Variants in RHBDL2 observed in about 807,000 individuals in gnomAD.
RHBDL2 encodes the protein rhomboid-related protein 2.
RHBDL2 carries 26 observed loss-of-function variants against 31.7 expected under a neutral mutation model. The ratio of observed to expected loss-of-function variants is 0.82; its 90% CI spans 0.60 to 1.14. RHBDL2 has a LOEUF of 1.14. Among genes scored for constraint, RHBDL2 ranks in the 50% most tolerant of loss-of-function variants. The pLI, the probability that RHBDL2 is intolerant of heterozygous loss-of-function variation, is 0.00. For missense variants in RHBDL2, 336 were observed against 364.4 expected, an observed-to-expected ratio of 0.92 and a Z score of 0.63; for synonymous variants, 123 against 127.2, an observed-to-expected ratio of 0.97 and a Z score of 0.22.
chr1:38,907,897 C>G (rs895127270), intron 4 of RHBDL2, among the ~76,000 whole-genome samples: 10 of 152,046 alleles, frequency 6.6e-5, no homozygotes, highest in Non-Finnish European at 1.5e-4. Context: ...TAGACTTCAT[C>G]AAAATTTAAA....
chr1:38,929,608 G>A (rs1013791012), intron 1 of RHBDL2: 76 of 1,266,874 alleles, frequency 6.0e-5, no homozygotes, highest in East Asian at 2.8e-4. Flanking sequence ...GCTGAGACCC[G>A]CCTTGATGTG....
At chr1:38,922,755 C>CA (rs1643330528) in intron 1 of RHBDL2, among the ~76,000 whole-genome samples, 1 of 151,210 alleles carries the variant, frequency 6.6e-6, no homozygotes, top group East Asian at 1.9e-4. Context: ...CTGCCCCACT[C>CA]CTGAATTTCT....
intron 6 of RHBDL2, 109 bp downstream of exon 6, chr1:38,893,055 T>G: frequency 3.1e-6 from 2 of 636,610 alleles, no homozygotes; most frequent in Non-Finnish European, 5.7e-6. Context: ...CAGGTCTGTG[T>G]GTATGCCCCA....
intron 3 of RHBDL2, among the ~76,000 whole-genome samples, chr1:38,912,402 G>A (rs151191901): frequency 6.7e-6 from 1 of 149,234 alleles, no homozygotes; most frequent in Non-Finnish European, 1.5e-5. Flanking sequence ...ACCGCGCCTG[G>A]CCCGTTTTTT....
chr1:38,916,940 GA>G (rs1414189768), intron 2 of RHBDL2, among the ~76,000 whole-genome samples: 2 of 144,838 alleles, frequency 1.4e-5, no homozygotes. Flanking sequence ...TGAAAAAAAA[GA>G]AAAAAATACA....
At chr1:38,890,599 A>G (rs1316910773) in intron 6 of RHBDL2, among the ~76,000 whole-genome samples, 1 of 152,078 alleles carries the variant, frequency 6.6e-6, no homozygotes, top group African/African-American at 2.4e-5. Context: ...CAGCCTCTAA[A>G]CTGAGATGTG....
intron 4 of RHBDL2, among the ~76,000 whole-genome samples, chr1:38,897,493 G>T (rs1286469499): frequency 6.6e-6 from 1 of 152,100 alleles, no homozygotes; most frequent in Admixed American, 6.6e-5. Flanking sequence ...ATTGCTTGAG[G>T]CCAGAAAGTC....
intron 4 of RHBDL2, among the ~76,000 whole-genome samples, chr1:38,907,496 C>T (rs1031086187): frequency 2.0e-5 from 3 of 152,080 alleles, no homozygotes; most frequent in East Asian, 1.9e-4. Context: ...GCCGAGATCG[C>T]GCCATCGCAC....
chr1:38,898,616 A>G (rs1374354886), intron 4 of RHBDL2, among the ~76,000 whole-genome samples: 2 of 152,188 alleles, frequency 1.3e-5, no homozygotes, highest in Non-Finnish European at 2.9e-5. Flanking sequence ...CCCAGGTACT[A>G]CCTTGAGGGA....
At chr1:38,886,810 C>T (rs1642790708) in intron 7 of RHBDL2, 127 bp from the exon 8 acceptor site, 1 of 669,784 alleles carries the variant, frequency 1.5e-6, no homozygotes, top group South Asian at 4.2e-5. Context: ...GTCTAGAGAA[C>T]TAGGGGTAAG....
chr1:38,918,351 G>A (rs144611220), intron 2 of RHBDL2, among the ~76,000 whole-genome samples: 2 of 152,234 alleles, frequency 1.3e-5, no homozygotes, highest in African/African-American at 4.8e-5. Flanking sequence ...GACATCAAGT[G>A]TGGGGGAAAA....
At chr1:38,908,258 A>C (rs1397574613) in intron 4 of RHBDL2, among the ~76,000 whole-genome samples, 1 of 151,992 alleles carries the variant, frequency 6.6e-6, no homozygotes, top group Non-Finnish European at 1.5e-5. Context: ...CATGCCTGTA[A>C]TCCCAGCACT....
intron 4 of RHBDL2, among the ~76,000 whole-genome samples, chr1:38,911,040 A>G (rs1643134405): frequency 6.6e-6 from 1 of 151,946 alleles, no homozygotes; most frequent in Non-Finnish European, 1.5e-5. Context: ...CAGCCTCCCA[A>G]AGTGCTGGGA....
At chr1:38,906,605 T>C (rs903573829) in intron 4 of RHBDL2, among the ~76,000 whole-genome samples, 2 of 149,722 alleles carry the variant, frequency 1.3e-5, no homozygotes, top group African/African-American at 2.5e-5. Context: ...ACCTGGGAGG[T>C]GGAGCTTGCA....
At chr1:38,906,421 T>G (rs1464529945) in intron 4 of RHBDL2, among the ~76,000 whole-genome samples, 11 of 152,050 alleles carry the variant, frequency 7.2e-5, no homozygotes. Context: ...ATCCCTGTAA[T>G]CCCAGCACTT....
chr1:38,920,003 G>C (rs1312524211), intron 1 of RHBDL2, among the ~76,000 whole-genome samples: 1 of 152,082 alleles, frequency 6.6e-6, no homozygotes, highest in Non-Finnish European at 1.5e-5. Flanking sequence ...CTGTTAAGCA[G>C]TTAATTCCTA....
At position 38,915,291 on chromosome 1, in the gene RHBDL2, A is replaced by AT. The variant is rs565355497; in HGVS notation, c.395+270dup. ...AGGTATGCATCACCATGCCTGTCTA[A>AT]TTTTTTTATTTTTAGTAGAGATGGG... On this transcript the variant is annotated intron_variant, in intron 3 of 7. Coordinates refer to ENST00000372990, the MANE Select transcript of RHBDL2 (RefSeq NM_017821.5). Among the ~76,000 whole-genome samples, 384 of 151,502 alleles carry AT rather than the reference A, an allele frequency of 2.5e-3. 2 individuals are homozygous for AT. Among genetic ancestry groups the AT allele is most frequent in the African/African-American group, 8.8e-3 (362 of 41,342 alleles).
chr1:38,928,485 T>G (rs1379243955), intron 1 of RHBDL2, among the ~76,000 whole-genome samples: 1 of 147,134 alleles, frequency 6.8e-6, no homozygotes, highest in Non-Finnish European at 1.5e-5. Flanking sequence ...TCGCTCTTGT[T>G]GCCCAGACTG....
chr1:38,909,791 A>T (rs1042690881), intron 4 of RHBDL2, among the ~76,000 whole-genome samples: 1 of 152,172 alleles, frequency 6.6e-6, no homozygotes, highest in African/African-American at 2.4e-5. Context: ...AAAATAAAAT[A>T]TGCCACTATC....
Sources: allele counts gnomAD v4.1 joint callset (sites outside exome capture counted in the v4.1 genomes callset), GRCh38; gene constraint gnomAD v4.1.1; transcripts MANE v1.5; gene names NCBI Gene and HGNC (gene_info 2026-07-23, HGNC 2026-07-21).